Variants in GRM7 observed in about 807,000 individuals in gnomAD.
The protein encoded by GRM7 is metabotropic glutamate receptor 7.
GRM7 carries 35 observed loss-of-function variants against 84.5 expected under a neutral mutation model. That is an observed-to-expected ratio of 0.41 (90% confidence interval 0.32 to 0.55). The LOEUF (loss-of-function observed/expected upper bound fraction) is 0.55. Among genes scored for constraint, GRM7 ranks in the 20% least tolerant of loss-of-function variants. The probability of loss-of-function intolerance (pLI) is 0.19; values close to 1 mark genes in which losing one functional copy is unlikely to be tolerated. For missense variants in GRM7, 1,003 were observed against 1,194.6 expected (o/e 0.84, Z 2.36); for synonymous variants, 487 against 455.1 (o/e 1.07, Z -0.89).
At position 7,452,766 on chromosome 3, in the gene GRM7, G is replaced by A; in HGVS notation, c.1334G>A (p.Gly445Asp). The A allele has an allele frequency of 6.2e-7, 1 of 1,613,304 alleles. No individual in the cohort carries two copies. The highest frequency in any genetic ancestry group is 1.7e-4 in the Middle Eastern group (1 of 6,044). ...TGCCCAGAGATGGAGCAAGCTGGAGGCAAGAAGTTGCTGAAGTATATACGC... is the reference window on the plus strand; with the variant it reads ...TGCCCAGAGATGGAGCAAGCTGGAGACAAGAAGTTGCTGAAGTATATACGC... ...GVCPEMEQAG[G>D]KKLLKYIRNV... Residue 445 changes from glycine (G) to aspartate (D), a missense_variant, in exon 6 of 10, where the codon GGC becomes GAC. Physicochemically the swap from Gly to Asp is moderately conservative, Grantham distance 94. Coordinates refer to ENST00000357716, the MANE Select transcript of GRM7 (RefSeq NM_000844.4).
intron 5 of GRM7, among the ~76,000 whole-genome samples, chr3:7,435,833 G>C (rs1023059319): frequency 1.4e-5 from 2 of 146,920 alleles, no homozygotes; most frequent in Admixed American, 6.8e-5. Flanking sequence ...GACTACAGGC[G>C]CCCGCCACCA....
intron 4 of GRM7, among the ~76,000 whole-genome samples, chr3:7,339,785 AT>A (rs576391639): frequency 3.3e-5 from 5 of 152,100 alleles, no homozygotes; most frequent in South Asian, 4.2e-4. Flanking sequence ...GAGCTTTGTG[AT>A]TTTTTTTCCT....
intron 2 of GRM7, among the ~76,000 whole-genome samples, chr3:7,175,565 T>G (rs1291511099): frequency 6.6e-6 from 1 of 152,326 alleles, no homozygotes; most frequent in South Asian, 2.1e-4. Context: ...TGAGACAAAG[T>G]GTCACTCTAT....
chr3:7,198,876 C>A (rs770219556), intron 2 of GRM7, among the ~76,000 whole-genome samples: 1 of 152,072 alleles, frequency 6.6e-6, no homozygotes, highest in Non-Finnish European at 1.5e-5. Flanking sequence ...GTTTACTCCT[C>A]AAAAGGGTGG....
In GRM7 at chr3:7,552,001, CT is replaced by C. The variant is rs113535077; in HGVS notation, c.1516-26419del. ...TGCTGAGTGAAGTGGGGAAGAGCCCCTTATAAAACCATCACATCTCATGAGA... is the reference window on the plus strand; with the variant it reads ...TGCTGAGTGAAGTGGGGAAGAGCCCCTATAAAACCATCACATCTCATGAGA... On this transcript the variant is annotated intron_variant, in intron 7 of 9. Transcript: ENST00000357716. Among the ~76,000 whole-genome samples, 921 of 152,260 alleles carry C rather than the reference CT, an allele frequency of 6.0e-3. 9 individuals carry two copies. Among genetic ancestry groups the C allele is most frequent in the African/African-American group, 0.02 (850 of 41,550 alleles).
chr3:7,574,331 T>C (rs1174643375), intron 7 of GRM7, among the ~76,000 whole-genome samples: 2 of 152,104 alleles, frequency 1.3e-5, no homozygotes, highest in Admixed American at 1.3e-4. Context: ...GGCTAATTTT[T>C]GTAGTGTTAG....
intron 1 of GRM7, among the ~76,000 whole-genome samples, chr3:7,055,032 C>T (rs1023989097): frequency 3.3e-5 from 5 of 151,910 alleles, no homozygotes; most frequent in Non-Finnish European, 5.9e-5. Flanking sequence ...TAAATCTGGT[C>T]TCTTGCTATT....
chr3:7,432,084 G>A (rs1156359423), intron 5 of GRM7, among the ~76,000 whole-genome samples: 1 of 152,134 alleles, frequency 6.6e-6, no homozygotes, highest in Non-Finnish European at 1.5e-5. Flanking sequence ...GCATGAAGCT[G>A]GAACTGCTTT....
At chr3:7,354,487 T>C (rs187661466) in intron 4 of GRM7, among the ~76,000 whole-genome samples, 10 of 152,080 alleles carry the variant, frequency 6.6e-5, no homozygotes, top group African/African-American at 2.2e-4. Context: ...AGGGATGTTA[T>C]AATGGAAAAG....
At chr3:7,083,286 C>A (rs1698330389) in intron 1 of GRM7, among the ~76,000 whole-genome samples, 1 of 152,138 alleles carries the variant, frequency 6.6e-6, no homozygotes, top group Admixed American at 6.6e-5. Flanking sequence ...AAGATTACAG[C>A]TTGCTGAAGG....
At chr3:7,091,681 T>A in intron 1 of GRM7, among the ~76,000 whole-genome samples, 1 of 76,846 alleles carries the variant, frequency 1.3e-5, no homozygotes. Context: ...TCAACAAATA[T>A]ATTTGGAGTA....
chr3:7,534,995 A>G (rs989186977), intron 7 of GRM7, among the ~76,000 whole-genome samples: 3 of 152,168 alleles, frequency 2.0e-5, no homozygotes, highest in Admixed American at 6.5e-5. Flanking sequence ...TTGTTTTGCT[A>G]TGTGTCCTTC....
In GRM7 at chr3:7,641,711, C is replaced by T. The variant is rs142830546; in HGVS notation, c.2452-38338C>T. On this transcript the variant is annotated intron_variant, in intron 8 of 9. Coordinates refer to ENST00000357716, the MANE Select transcript of GRM7 (RefSeq NM_000844.4). ...AGAAGAGATAATAAGGAAAATAATA[C>T]GCAATGATGTGACTACATAACAACA... Among the ~76,000 whole-genome samples the T allele has an allele frequency of 3.2e-3, 491 of 152,190 alleles. 2 individuals carry two copies. Among genetic ancestry groups the T allele is most frequent in the African/African-American group, 0.011 (450 of 41,550 alleles).
chr3:7,349,512 A>G (rs1289563254), intron 4 of GRM7, among the ~76,000 whole-genome samples: 2 of 152,160 alleles, frequency 1.3e-5, no homozygotes, highest in Non-Finnish European at 2.9e-5. Flanking sequence ...TAGATGGAAG[A>G]GAATATATTT....
At chr3:7,334,545 G>A (rs1485928414) in intron 4 of GRM7, among the ~76,000 whole-genome samples, 1 of 151,984 alleles carries the variant, frequency 6.6e-6, no homozygotes, top group East Asian at 1.9e-4. Context: ...CTAGCATGAT[G>A]AATAGAACAG....
intron 2 of GRM7, among the ~76,000 whole-genome samples, chr3:7,244,337 C>A (rs1208525636): frequency 6.6e-6 from 1 of 152,060 alleles, no homozygotes; most frequent in Non-Finnish European, 1.5e-5. Flanking sequence ...CTGGTGGTGA[C>A]CACATCTTCA....
chr3:6,926,900 T>G (rs1697317918), intron 1 of GRM7, among the ~76,000 whole-genome samples: 1 of 152,204 alleles, frequency 6.6e-6, no homozygotes, highest in South Asian at 2.1e-4. Context: ...ACCTGATAAT[T>G]TATTATAATG....
At chr3:6,869,737 T>C (rs957537954) in intron 1 of GRM7, among the ~76,000 whole-genome samples, 1 of 152,160 alleles carries the variant, frequency 6.6e-6, no homozygotes, top group Non-Finnish European at 1.5e-5. Context: ...TGAAACTTTT[T>C]ATGGAACTGA....
chr3:7,734,443 T>C (rs1308598290), intron 9 of GRM7, among the ~76,000 whole-genome samples: 2 of 152,220 alleles, frequency 1.3e-5, no homozygotes, highest in African/African-American at 2.4e-5. Flanking sequence ...CAGATTCCCA[T>C]GTCTGCTTTC....
Sources: allele counts gnomAD v4.1 joint callset (sites outside exome capture counted in the v4.1 genomes callset), GRCh38; gene constraint gnomAD v4.1.1; transcripts MANE v1.5; gene names NCBI Gene and HGNC (gene_info 2026-07-23, HGNC 2026-07-21).